The following TMEM204 variants were observed in gnomAD, a reference collection of about 807,000 sequenced individuals.
The protein encoded by TMEM204 is claudin-like protein 24.
Under a neutral mutation model 19.4 loss-of-function variants are expected in TMEM204, and 15 were observed. The observed-to-expected ratio is 0.77, with a 90% CI of 0.52 to 1.19. The LOEUF (loss-of-function observed/expected upper bound fraction) is 1.19, where lower values mean the gene tolerates loss of function less well. Ranked by LOEUF, TMEM204 falls within the 50% of genes most tolerant of loss-of-function variation. The probability of loss-of-function intolerance (pLI) is 0.00; values close to 1 mark genes in which losing one functional copy is unlikely to be tolerated. For synonymous variants in TMEM204, 161 were observed against 146.0 expected (o/e 1.10, Z -0.74); for missense variants, 287 against 321.2 (o/e 0.89, Z 0.81).
Position 1,542,090 on chromosome 16 carries a change from C to T in TMEM204, c.436+14C>T, listed in dbSNP as rs765059177. On this transcript the variant is annotated intron_variant, in intron 2 of 2. Transcript: ENST00000566264. The stretch of plus-strand genomic sequence containing the variant: ...TCCAACTGGCGAGTAAGTACCTGGG[C>T]GGGTGTGGCCACCGCGCCCTTGCCC... 66 of 1,586,386 alleles carry T rather than the reference C, an allele frequency of 4.2e-5. No homozygotes were observed. Among genetic ancestry groups the T allele is most frequent in the African/African-American group, 2.8e-4 (21 of 74,522 alleles).
At position 1,553,232 on chromosome 16, in the gene TMEM204, CTCTGTG is replaced by C. The variant is rs2032818749; in HGVS notation, c.437-1544_437-1539del. ...TCTGTCTCTCTCTGTCTCCATCTGT[CTCTGTG>C]TCTGTCTCTGTCTCTCTGTATCTCT... On this transcript the variant is annotated intron_variant, in intron 2 of 2. Transcript: ENST00000566264. This position sits in a 1 kb window ranked among gnomAD's most constrained non-coding sequence, Gnocchi z 4.4. The C allele has an allele frequency of 1.0e-6, 1 of 978,762 alleles. No homozygotes were observed. Among genetic ancestry groups the C allele is most frequent in the Non-Finnish European group, 1.2e-6 (1 of 824,552 alleles). The allele number at this position is 978,762 out of a possible 1,614,324, so 60.6% of individuals were successfully genotyped here. A position where few individuals can be genotyped will look rare whatever the true frequency, so the allele number is the denominator to read the frequency against.
intron 2 of TMEM204, among the ~76,000 whole-genome samples, chr16:1,545,277 G>A (rs554850112): frequency 3.3e-5 from 5 of 152,146 alleles, no homozygotes; most frequent in African/African-American, 1.2e-4. Flanking sequence ...ACAACCGCCA[G>A]AACGGCAGGC....
In TMEM204 at chr16:1,553,109, G is replaced by T. The variant is rs2032806721; in HGVS notation, c.437-1673G>T. The T allele has an allele frequency of 1.0e-6, 1 of 985,272 alleles. No individual in the cohort carries two copies. Among genetic ancestry groups the T allele is most frequent in the Non-Finnish European group, 1.2e-6 (1 of 829,940 alleles). The allele number at this position is 985,272 out of a possible 1,614,324, so 61.0% of individuals were successfully genotyped here. On this transcript the variant is annotated intron_variant, in intron 2 of 2. Transcript: ENST00000566264. The surrounding 1 kb of genome is among the most constrained non-coding windows in gnomAD (Gnocchi z 4.4). ...ATGCTTAATTCATACTTTCTGGAGG[G>T]TACAGTGATGATGAAAAGATAATGC... is the stretch of plus-strand genomic sequence containing the variant.
intron 2 of TMEM204, among the ~76,000 whole-genome samples, chr16:1,554,468 C>T (rs568890150): frequency 7.2e-5 from 11 of 152,262 alleles, no homozygotes; most frequent in Non-Finnish European, 1.5e-4. Context: ...CTGGCCAGGT[C>T]CCAGGAGCAG....
intron 2 of TMEM204, among the ~76,000 whole-genome samples, chr16:1,545,164 G>C (rs916602132): frequency 1.2e-4 from 19 of 152,376 alleles, no homozygotes; most frequent in Non-Finnish European, 1.6e-4. Flanking sequence ...CGGGGGACAG[G>C]GCTGGAGGCC....
At chr16:1,542,291 G>A (rs1314529606) in intron 2 of TMEM204, among the ~76,000 whole-genome samples, 1 of 152,258 alleles carries the variant, frequency 6.6e-6, no homozygotes, top group Non-Finnish European at 1.5e-5. Context: ...AGGCCAAGGA[G>A]CAGGGAGGCT....
At chr16:1,549,384 G>A (rs992293336) in intron 2 of TMEM204, among the ~76,000 whole-genome samples, 4 of 152,222 alleles carry the variant, frequency 2.6e-5, no homozygotes, top group Non-Finnish European at 5.9e-5. Flanking sequence ...AGTGAAGCGC[G>A]GCTCCCAGAA....
At chr16:1,540,340 C>T (rs2031512186) in intron 1 of TMEM204, among the ~76,000 whole-genome samples, 1 of 152,230 alleles carries the variant, frequency 6.6e-6, no homozygotes, top group South Asian at 2.1e-4. Flanking sequence ...ACGGATACTT[C>T]TAACCACGTA....
intron 1 of TMEM204, among the ~76,000 whole-genome samples, chr16:1,537,044 T>C (rs1037028508): frequency 2.6e-5 from 4 of 152,196 alleles, no homozygotes; most frequent in Admixed American, 1.3e-4. Context: ...GCTCCTAGCG[T>C]CTTCCTTCCT....
At chr16:1,546,559 T>C (rs558108000) in intron 2 of TMEM204, among the ~76,000 whole-genome samples, 41 of 152,330 alleles carry the variant, frequency 2.7e-4, no homozygotes, top group African/African-American at 8.2e-4. Context: ...CTGGGTAACA[T>C]GCATGCTGAG....
chr16:1,530,358 CTT>C (rs1163772312), upstream of TMEM204, among the ~76,000 whole-genome samples: 1 of 151,986 alleles, frequency 6.6e-6, no homozygotes, highest in Non-Finnish European at 1.5e-5. Flanking sequence ...GTCTCGATCT[CTT>C]GACCTTGTGA....
At chr16:1,552,896 A>G in intron 2 of TMEM204, 4 of 878,280 alleles carry the variant, frequency 4.6e-6, no homozygotes, top group Non-Finnish European at 5.5e-6. Flanking sequence ...CTCGTGATCC[A>G]CCCGCCTCAG....
chr16:1,533,819 C>T lies in TMEM204; in HGVS notation c.-457C>T, dbSNP rs569068553. The T allele has an allele frequency of 1.4e-5, 3 of 218,082 alleles. No homozygotes were observed. The highest frequency in any genetic ancestry group is 1.8e-4 in the East Asian group (1 of 5,552). 13.5% of individuals were successfully genotyped at this position (218,082 alleles called of 1,614,324 possible). A position where few individuals can be genotyped will look rare whatever the true frequency, so the allele number is the denominator to read the frequency against. On this transcript the variant is annotated 5_prime_UTR_variant, in exon 1 of 3. Coordinates refer to ENST00000566264, the MANE Select transcript of TMEM204 (RefSeq NM_024600.6). The surrounding 1 kb of genome is among the most constrained non-coding windows in gnomAD (Gnocchi z 4.7). ...GAGGAGCTGTGAACCCGCTCCACAC[C>T]GGCCACCCTGCCCGGAGCCTGGCAC...
At chr16:1,540,348 G>A (rs1473530656) in intron 1 of TMEM204, among the ~76,000 whole-genome samples, 1 of 152,236 alleles carries the variant, frequency 6.6e-6, no homozygotes, top group Non-Finnish European at 1.5e-5. Context: ...TTCTAACCAC[G>A]TAAACACTCA....
chr16:1,541,787 C>A, intron 1 of TMEM204, 134 bp from the exon 2 acceptor site: 7 of 1,102,548 alleles, frequency 6.3e-6, no homozygotes, highest in Non-Finnish European at 8.8e-6. Context: ...CCCGAAGCCA[C>A]TGCCCAATGG....
intron 2 of TMEM204, among the ~76,000 whole-genome samples, chr16:1,543,718 GA>G (rs2031878758): frequency 6.6e-6 from 1 of 152,224 alleles, no homozygotes; most frequent in Non-Finnish European, 1.5e-5. Flanking sequence ...TGACTGCAGG[GA>G]AAACATGAGA....
At position 1,555,145 on chromosome 16, in the gene TMEM204, G is replaced by A; in HGVS notation, c.*119G>A. On this transcript the variant is annotated 3_prime_UTR_variant, in exon 3 of 3. Transcript: ENST00000566264. ...GTGCAGAGGCACGGGATGAGTCTGG[G>A]TGACCTCTGCGCCATGCGTGCGAGA... is the stretch of plus-strand genomic sequence containing the variant. 7.6e-7 allele frequency: 1 copy of A among 1,324,116 alleles called. No individual in the cohort carries two copies. Among genetic ancestry groups the A allele is most frequent in the Non-Finnish European group, 1.0e-6 (1 of 980,118 alleles). 82.0% of individuals were successfully genotyped at this position (1,324,116 alleles called of 1,614,324 possible). A position where few individuals can be genotyped will look rare whatever the true frequency, so the allele number is the denominator to read the frequency against.
intron 1 of TMEM204, among the ~76,000 whole-genome samples, chr16:1,535,138 C>T (rs530180385): frequency 6.6e-5 from 10 of 152,128 alleles, no homozygotes; most frequent in African/African-American, 1.7e-4. Flanking sequence ...TTTGTTCTCA[C>T]GGTTGTTGGG....
At chr16:1,530,713 G>C (rs984278146), upstream of TMEM204, 2 of 151,388 alleles carry the variant, frequency 1.3e-5, no homozygotes, top group African/African-American at 4.9e-5. Flanking sequence ...GAGCGGGAGA[G>C]AGCCCGCCCG....
Sources: gnomAD v4.1 joint callset for allele counts (sites outside exome capture counted in the v4.1 genomes callset) on GRCh38, gnomAD v4.1.1 for gene constraint, Gnocchi (gnomAD v3.1) non-coding constraint, MANE v1.5 for transcripts, NCBI Gene and HGNC (gene_info 2026-07-23, HGNC 2026-07-21) for gene names.